The following SPMAP2L variants were observed in gnomAD, a reference collection of about 807,000 sequenced individuals.
The protein encoded by SPMAP2L is sperm microtubule associated protein 2-like.
At chr4:56,584,602 T>C in the SPMAP2L span, 2 of 1,534,490 alleles carry the variant, frequency 1.3e-6, no homozygotes, top group South Asian at 2.4e-5. Context: ...ACTATCATCC[T>C]TCAAAAAAAG....
chr4:56,557,185 G>T, the SPMAP2L span, among the ~76,000 whole-genome samples: 1 of 151,732 alleles, frequency 6.6e-6, no homozygotes, highest in Non-Finnish European at 1.5e-5. Flanking sequence ...GGAGGCTGAG[G>T]TTGCAGTGAG....
chr4:56,589,690 T>C, the SPMAP2L span, among the ~76,000 whole-genome samples: 2 of 151,710 alleles, frequency 1.3e-5, no homozygotes, highest in Non-Finnish European at 2.9e-5. Context: ...TTTGTTGTTG[T>C]TGTTGTTTTG....
chr4:56,606,519 C>T, the SPMAP2L span, among the ~76,000 whole-genome samples: 2 of 139,670 alleles, frequency 1.4e-5, no homozygotes, highest in Non-Finnish European at 3.0e-5. Flanking sequence ...TTTTCTCCTA[C>T]TACCTGTGTC....
the SPMAP2L span, chr4:56,594,482 G>C: frequency 6.2e-7 from 1 of 1,606,422 alleles, no homozygotes; most frequent in Non-Finnish European, 8.5e-7. Flanking sequence ...CACAGGTTAT[G>C]ACCAGGTCTG....
At chr4:56,599,271 C>A in the SPMAP2L span, among the ~76,000 whole-genome samples, 2 of 152,122 alleles carry the variant, frequency 1.3e-5, no homozygotes, top group East Asian at 3.8e-4. Flanking sequence ...TAGCCTCAAC[C>A]TCCCTGGGCT....
chr4:56,595,218 T>C, the SPMAP2L span: 48 of 1,611,506 alleles, frequency 3.0e-5, no homozygotes, highest in Non-Finnish European at 4.0e-5. Context: ...TTTTCAGGGG[T>C]GCAAGAGGTT....
At chr4:56,535,201 G>C in the SPMAP2L span, among the ~76,000 whole-genome samples, 2 of 152,092 alleles carry the variant, frequency 1.3e-5, no homozygotes, top group African/African-American at 2.4e-5. Context: ...CATCATCTTT[G>C]TAAGCCACTA....
chr4:56,594,177 G>T, the SPMAP2L span: 2 of 1,613,092 alleles, frequency 1.2e-6, no homozygotes, highest in Non-Finnish European at 1.7e-6. Context: ...GAGTGCAGAG[G>T]TATTCCAGGG....
the SPMAP2L span, chr4:56,603,437 A>G: frequency 1.6e-6 from 1 of 638,578 alleles, no homozygotes; most frequent in Non-Finnish European, 2.5e-6. Flanking sequence ...TTCCCCTCCC[A>G]CAAAATGAGA....
chr4:56,608,890 C>T, the SPMAP2L span, among the ~76,000 whole-genome samples: 2 of 152,130 alleles, frequency 1.3e-5, no homozygotes, highest in Admixed American at 6.5e-5. Context: ...GACATGGAGT[C>T]AAAGAAGATC....
At chr4:56,558,517 GT>G in the SPMAP2L span, among the ~76,000 whole-genome samples, 1 of 152,144 alleles carries the variant, frequency 6.6e-6, no homozygotes, top group African/African-American at 2.4e-5. Context: ...TCTCATGAGG[GT>G]TCAGTTCTTG....
the SPMAP2L span, among the ~76,000 whole-genome samples, chr4:56,620,611 C>A: frequency 1.3e-5 from 2 of 152,150 alleles, no homozygotes; most frequent in African/African-American, 4.8e-5. Context: ...CCTCGAACTC[C>A]CAACCTCAGG....
chr4:56,598,112 C>T, the SPMAP2L span, among the ~76,000 whole-genome samples: 1 of 152,178 alleles, frequency 6.6e-6, no homozygotes, highest in Non-Finnish European at 1.5e-5. Flanking sequence ...ATCCTTGTGC[C>T]TCAACCTCCC....
At chr4:56,600,097 C>CTTTCTTTTTTTTTTTTTTTTTT in the SPMAP2L span, among the ~76,000 whole-genome samples, 2 of 87,782 alleles carry the variant, frequency 2.3e-5, no homozygotes, top group African/African-American at 1.0e-4. Flanking sequence ...TCTTTGCTTT[C>CTTTCTTTTTTTTTTTTTTTTTT]TTTTTTTTTT....
the SPMAP2L span, among the ~76,000 whole-genome samples, chr4:56,563,066 C>CTAAAGA: frequency 7.3e-6 from 1 of 137,170 alleles, no homozygotes; most frequent in Non-Finnish European, 1.5e-5. Context: ...ATTACTGCAT[C>CTAAAGA]TAAAGATAAG....
the SPMAP2L span, among the ~76,000 whole-genome samples, chr4:56,591,309 G>A: frequency 6.6e-6 from 1 of 152,202 alleles, no homozygotes; most frequent in Admixed American, 6.5e-5. Flanking sequence ...ATTTCCTGAG[G>A]CCTCCCCAGC....
the SPMAP2L span, chr4:56,595,683 G>A: frequency 3.6e-6 from 4 of 1,115,388 alleles, no homozygotes; most frequent in East Asian, 4.7e-5. Context: ...GGAAGTTTAT[G>A]AGTTGCCATT....
At chr4:56,594,959 G>T in the SPMAP2L span, 1 of 1,610,896 alleles carries the variant, frequency 6.2e-7, no homozygotes, top group Middle Eastern at 1.7e-4. Flanking sequence ...TCCTGGCATG[G>T]GGCCCATTGG....
the SPMAP2L span, among the ~76,000 whole-genome samples, chr4:56,590,828 A>G: frequency 6.6e-6 from 1 of 152,226 alleles, no homozygotes. Flanking sequence ...ATTTTCCCAG[A>G]GGCTGAGAGG....
Sources: gnomAD v4.1 joint callset for allele counts (sites outside exome capture counted in the v4.1 genomes callset) on GRCh38, gnomAD v4.1.1 for gene constraint, MANE v1.5 for transcripts, NCBI Gene and HGNC (gene_info 2026-07-23, HGNC 2026-07-21) for gene names.